Variants in VAMP7 observed in about 807,000 individuals in gnomAD.
VAMP7 encodes vesicle associated membrane protein 7.
Under a neutral mutation model 29.6 loss-of-function variants are expected in VAMP7, and 14 were observed. The ratio of observed to expected loss-of-function variants is 0.47; its 90% CI spans 0.31 to 0.74. The LOEUF is 0.74. Among genes scored for constraint, VAMP7 ranks in the 30% least tolerant of loss-of-function variants. VAMP7 has a pLI of 0.05. For synonymous variants in VAMP7, 95 were observed against 88.1 expected (o/e 1.08, Z -0.44); for missense variants, 223 against 262.4 (o/e 0.85, Z 1.04).
At chrX:155,887,472 G>A (rs1488122305) in intron 1 of VAMP7, among the ~76,000 whole-genome samples, 1 of 152,114 alleles carries the variant, frequency 6.6e-6, no homozygotes, top group African/African-American at 2.4e-5. Context: ...GGTCAAGTAA[G>A]GTAAGAATAG....
intron 4 of VAMP7, among the ~76,000 whole-genome samples, 193 bp downstream of exon 4, chrX:155,898,442 T>C (rs1602931617): frequency 2.6e-5 from 4 of 152,040 alleles, no homozygotes; most frequent in African/African-American, 7.2e-5. Flanking sequence ...TGATAGTCTT[T>C]ATTATCTCTA....
chrX:155,894,879 G>A (rs2065967545), intron 2 of VAMP7, among the ~76,000 whole-genome samples: 1 of 152,094 alleles, frequency 6.6e-6, no homozygotes, highest in East Asian at 1.9e-4. Context: ...GCCTCCCAAA[G>A]TGCTAGGATT....
At chrX:155,936,976 A>G (rs960031142) in intron 6 of VAMP7, among the ~76,000 whole-genome samples, 4 of 152,160 alleles carry the variant, frequency 2.6e-5, no homozygotes, top group South Asian at 2.1e-4. Flanking sequence ...ACACAAATCA[A>G]TGGAAAGATA....
At chrX:155,905,902 G>A (rs1346344898) in intron 5 of VAMP7, among the ~76,000 whole-genome samples, 2 of 152,076 alleles carry the variant, frequency 1.3e-5, no homozygotes, top group African/African-American at 2.4e-5. Flanking sequence ...ACTTTAGGAT[G>A]AGCTTGTCAA....
Position 155,943,553 on chromosome X carries a change from A to C in VAMP7, c.*1602A>C, listed in dbSNP as rs2066777861. 6.6e-6 allele frequency: 1 copy of C among 152,262 alleles called. No individual in the cohort carries two copies. 9.4% of individuals were successfully genotyped at this position (152,262 alleles called of 1,614,324 possible). On this transcript the variant is annotated 3_prime_UTR_variant, in exon 8 of 8. Transcript: ENST00000286448. Reference sequence around the variant, plus strand: ...TCCAGAAAAACATTTGGCATTCCTGAATAATTTCCAAATGTTTTTAATCCA... The same window carrying C: ...TCCAGAAAAACATTTGGCATTCCTGCATAATTTCCAAATGTTTTTAATCCA...
At chrX:155,918,763 C>T (rs2066350235) in intron 5 of VAMP7, among the ~76,000 whole-genome samples, 1 of 152,134 alleles carries the variant, frequency 6.6e-6, no homozygotes, top group Non-Finnish European at 1.5e-5. Context: ...GGTCATCTTG[C>T]CAACCACCCT....
intron 7 of VAMP7, among the ~76,000 whole-genome samples, chrX:155,940,865 GC>G (rs1569453602): frequency 6.6e-6 from 1 of 152,016 alleles, no homozygotes; most frequent in Admixed American, 6.6e-5. Context: ...GCTGTAATCT[GC>G]CCCCCAACCC....
chrX:155,885,901 CTGT>C (rs2065859447), intron 1 of VAMP7, among the ~76,000 whole-genome samples: 2 of 152,170 alleles, frequency 1.3e-5, no homozygotes, highest in Admixed American at 6.5e-5. Flanking sequence ...CGATACATTT[CTGT>C]TGTTTTAAGC....
rs2066008955 is a variant in VAMP7 at position 155,898,015 on chromosome X, C to T, written c.205-97C>T. ...CTAGTTCCTCCTCAGATAATCATTG[C>T]TCAGTAAATGTTAGCTGTTTTTTAT... On this transcript the variant is annotated intron_variant, in intron 3 of 7. Transcript: ENST00000286448. 6 of 1,444,780 alleles carry T rather than the reference C, an allele frequency of 4.2e-6. No individual in the cohort carries two copies. In the East Asian group the frequency reaches 6.9e-5, roughly 17 times the overall value. 89.5% of individuals were successfully genotyped at this position (1,444,780 alleles called of 1,614,324 possible). A position where few individuals can be genotyped will look rare whatever the true frequency, so the allele number is the denominator to read the frequency against.
intron 5 of VAMP7, among the ~76,000 whole-genome samples, chrX:155,914,334 C>T (rs2066280563): frequency 6.6e-6 from 1 of 152,084 alleles, no homozygotes; most frequent in African/African-American, 2.4e-5. Flanking sequence ...TCCTCTCTTC[C>T]TATTTGAATA....
At chrX:155,935,493 G>A (rs777602571) in intron 6 of VAMP7, among the ~76,000 whole-genome samples, 117 of 151,976 alleles carry the variant, frequency 7.7e-4, no homozygotes, top group African/African-American at 2.4e-3. Flanking sequence ...TGTTCGAATC[G>A]GCTACTGAAG....
chrX:155,912,512 C>T (rs1256160777), intron 5 of VAMP7, among the ~76,000 whole-genome samples: 1 of 151,690 alleles, frequency 6.6e-6, no homozygotes, highest in Non-Finnish European at 1.5e-5. Context: ...TCTCCCCTAG[C>T]CCCCCTACCC....
chrX:155,931,519 G>A lies in VAMP7; in HGVS notation c.502-8182G>A, dbSNP rs367738837. 1.4e-4 allele frequency among the ~76,000 whole-genome samples: 21 copies of A among 152,316 alleles called. 1 individual carries two copies. In the East Asian group the frequency reaches 2.5e-3, roughly 18 times the overall value. ...CTGCATAAATGCCATCTTTTGAGAA[G>A]TGTCTGTTCATATCCTTCACCCACT... On this transcript the variant is annotated intron_variant, in intron 6 of 7. Coordinates refer to ENST00000286448, the MANE Select transcript of VAMP7 (RefSeq NM_005638.6).
At chrX:155,894,615 TTTG>T (rs1278247211) in intron 2 of VAMP7, among the ~76,000 whole-genome samples, 2 of 152,140 alleles carry the variant, frequency 1.3e-5, no homozygotes, top group South Asian at 2.1e-4. Flanking sequence ...CTCACTTTTT[TTTG>T]TTGTTGTTGT....
At position 155,881,447 on chromosome X, in the gene VAMP7, AG is replaced by A. The variant is rs2065800039; in HGVS notation, c.-10+1del. 1.1e-5 allele frequency: 1 copy of A among 89,368 alleles called. No individual in the cohort carries two copies. Among genetic ancestry groups the A allele is most frequent in the Non-Finnish European group, 2.2e-5 (1 of 45,122 alleles). 5.5% of individuals were successfully genotyped at this position (89,368 alleles called of 1,614,324 possible). On this transcript the variant is annotated splice_region_variant and 5_prime_UTR_variant, in exon 1 of 8. Coordinates refer to ENST00000286448, the MANE Select transcript of VAMP7 (RefSeq NM_005638.6). Reference sequence around the variant, plus strand: ...GCGCGCCCTCAGAGGGTGCCCGGACAGGTAAATGGAGTGGGGTGCGCCTGCG... The same window carrying A: ...GCGCGCCCTCAGAGGGTGCCCGGACAGTAAATGGAGTGGGGTGCGCCTGCG...
At position 155,941,870 on chromosome X, in the gene VAMP7, C is replaced by G; in HGVS notation, c.595-13C>G. On this transcript the variant is annotated splice_polypyrimidine_tract_variant and intron_variant, in intron 7 of 7. Coordinates refer to ENST00000286448, the MANE Select transcript of VAMP7 (RefSeq NM_005638.6). ...GATTCAAGAAAATAAAATTGCTCTC[C>G]TCGTCCCTCCAGGTGTTCATCTATA... The G allele has an allele frequency of 6.2e-7, 1 of 1,612,022 alleles. No individual in the cohort carries two copies.
intron 6 of VAMP7, among the ~76,000 whole-genome samples, chrX:155,932,454 T>C (rs1235230523): frequency 1.3e-5 from 2 of 152,198 alleles, no homozygotes; most frequent in Admixed American, 1.3e-4. Flanking sequence ...CTAGGTATTT[T>C]ATTCTCTTTG....
chrX:155,926,558 G>A (rs893289865), intron 6 of VAMP7, among the ~76,000 whole-genome samples: 1 of 152,192 alleles, frequency 6.6e-6, no homozygotes, highest in Middle Eastern at 3.2e-3. Flanking sequence ...GTTATAGCTG[G>A]TTTAATCTTC....
At chrX:155,893,000 G>A (rs1363063542) in intron 2 of VAMP7, among the ~76,000 whole-genome samples, 6 of 151,832 alleles carry the variant, frequency 4.0e-5, no homozygotes, top group South Asian at 2.1e-4. Flanking sequence ...CAATCCGCCC[G>A]CCTCGGCCTC....
Sources: allele counts gnomAD v4.1 joint callset (sites outside exome capture counted in the v4.1 genomes callset), GRCh38; gene constraint gnomAD v4.1.1; transcripts MANE v1.5; gene names NCBI Gene and HGNC (gene_info 2026-07-23, HGNC 2026-07-21).